The following SLC24A2 variants were observed in gnomAD, a reference collection of about 807,000 sequenced individuals.
SLC24A2 encodes sodium/potassium/calcium exchanger 2.
A neutral mutation model predicts 62.0 loss-of-function variants in SLC24A2; 36 were observed. That is an observed-to-expected ratio of 0.58 (90% CI 0.44 to 0.77). The LOEUF (loss-of-function observed/expected upper bound fraction) is 0.77. Among genes scored for constraint, SLC24A2 ranks in the 30% least tolerant of loss-of-function variants. The pLI, the probability that SLC24A2 is intolerant of heterozygous loss-of-function variation, is 0.00. For synonymous variants in SLC24A2, 358 were observed against 294.0 expected (o/e 1.22, Z -2.23); for missense variants, 846 against 817.9 (o/e 1.03, Z -0.42).
chr9:19,857,085 C>T, the SLC24A2 span, among the ~76,000 whole-genome samples: 1 of 152,332 alleles, frequency 6.6e-6, no homozygotes, highest in African/African-American at 2.4e-5. Flanking sequence ...ATCAATCTCA[C>T]TGGGCTAATG....
At chr9:20,253,116 G>A in the SLC24A2 span, among the ~76,000 whole-genome samples, 27 of 152,192 alleles carry the variant, frequency 1.8e-4, no homozygotes, top group African/African-American at 5.8e-4. Context: ...AGGCTAGAGG[G>A]AAGTCTTGAC....
the SLC24A2 span, among the ~76,000 whole-genome samples, chr9:20,002,669 A>G: frequency 6.6e-6 from 1 of 152,104 alleles, no homozygotes; most frequent in African/African-American, 2.4e-5. Flanking sequence ...AATGATGGAA[A>G]CTCCAGACTG....
At chr9:19,762,946 C>T (rs1033773360) in intron 2 of SLC24A2, among the ~76,000 whole-genome samples, 4 of 152,036 alleles carry the variant, frequency 2.6e-5, no homozygotes, top group Non-Finnish European at 4.4e-5. Context: ...TCTTCCTATC[C>T]ATGAGCACGG....
the SLC24A2 span, among the ~76,000 whole-genome samples, chr9:20,141,618 A>G: frequency 6.6e-6 from 1 of 151,500 alleles, no homozygotes; most frequent in Admixed American, 6.6e-5. Flanking sequence ...CTCATGATCT[A>G]GTATATCACC....
the SLC24A2 span, among the ~76,000 whole-genome samples, chr9:20,084,582 C>T: frequency 6.9e-6 from 1 of 145,310 alleles, no homozygotes; most frequent in Non-Finnish European, 1.5e-5. Flanking sequence ...CCTCAGTGAA[C>T]TCTCCAGAGT....
intron 2 of SLC24A2, among the ~76,000 whole-genome samples, chr9:19,669,328 C>T (rs975502355): frequency 1.3e-5 from 2 of 152,036 alleles, no homozygotes; most frequent in Admixed American, 1.3e-4. Flanking sequence ...GGGAGAAGTG[C>T]TGGCATTCAC....
the SLC24A2 span, among the ~76,000 whole-genome samples, chr9:20,281,838 T>C: frequency 6.6e-6 from 1 of 152,234 alleles, no homozygotes; most frequent in Non-Finnish European, 1.5e-5. Context: ...AAAATTGATA[T>C]CTCTACAGTA....
intron 8 of SLC24A2, among the ~76,000 whole-genome samples, chr9:19,546,802 G>C (rs900679491): frequency 1.3e-5 from 2 of 152,166 alleles, no homozygotes; most frequent in African/African-American, 4.8e-5. Flanking sequence ...ACTCAGTTTT[G>C]TGCTTGAAAC....
In SLC24A2 at chr9:19,513,488, C is replaced by T. The variant is rs1043807006; in HGVS notation, c.*2665G>A. ...TCAGTGCACATGACTGATGTGGGAA[C>T]GGGGCTTGGAAATTTTGTCTTCTCA... On this transcript the variant is annotated 3_prime_UTR_variant, in exon 11 of 11. Coordinates refer to ENST00000341998, the MANE Select transcript of SLC24A2 (RefSeq NM_020344.4). 3.3e-5 allele frequency: 5 copies of T among 151,934 alleles called. No homozygotes were observed. Among genetic ancestry groups the T allele is most frequent in the African/African-American group, 7.3e-5 (3 of 41,364 alleles). 9.4% of individuals were successfully genotyped at this position (151,934 alleles called of 1,614,324 possible).
intron 2 of SLC24A2, among the ~76,000 whole-genome samples, chr9:19,635,577 G>T (rs1393825183): frequency 6.6e-6 from 1 of 152,110 alleles, no homozygotes. Context: ...AATGACACTT[G>T]CCAATGAAAG....
At chr9:19,948,374 A>T in the SLC24A2 span, among the ~76,000 whole-genome samples, 9 of 151,966 alleles carry the variant, frequency 5.9e-5, no homozygotes, top group Non-Finnish European at 1.2e-4. Flanking sequence ...AATTATCTTC[A>T]CAATATTTTC....
At chr9:20,238,128 G>A in the SLC24A2 span, among the ~76,000 whole-genome samples, 6 of 152,284 alleles carry the variant, frequency 3.9e-5, no homozygotes, top group African/African-American at 1.4e-4. Context: ...GCCCAGGTCT[G>A]TTCCTGCCTA....
At chr9:20,263,387 G>A in the SLC24A2 span, among the ~76,000 whole-genome samples, 1 of 152,078 alleles carries the variant, frequency 6.6e-6, no homozygotes, top group Non-Finnish European at 1.5e-5. Flanking sequence ...GAGTAACTGG[G>A]ACCACAGGTG....
the SLC24A2 span, among the ~76,000 whole-genome samples, chr9:19,906,880 C>A: frequency 5.9e-5 from 9 of 152,088 alleles, no homozygotes; most frequent in African/African-American, 2.2e-4. Context: ...GATTCACAGC[C>A]GAATTCTACC....
chr9:19,976,660 C>T, the SLC24A2 span, among the ~76,000 whole-genome samples: 124 of 152,222 alleles, frequency 8.1e-4, no homozygotes, highest in South Asian at 2.5e-3. Flanking sequence ...AATGACTTAA[C>T]GTATAGAGAA....
chr9:19,648,513 A>G (rs1056183544), intron 2 of SLC24A2, among the ~76,000 whole-genome samples: 16 of 152,232 alleles, frequency 1.1e-4, no homozygotes, highest in Admixed American at 9.8e-4. Context: ...CACCAACATA[A>G]TAGAAAGCTA....
the SLC24A2 span, among the ~76,000 whole-genome samples, chr9:20,115,096 G>C: frequency 9.2e-5 from 14 of 152,098 alleles, no homozygotes. Context: ...TGGGCCCAAA[G>C]AACATACAAT....
chr9:20,130,850 T>C, the SLC24A2 span, among the ~76,000 whole-genome samples: 2 of 151,902 alleles, frequency 1.3e-5, no homozygotes, highest in Admixed American at 1.3e-4. Context: ...GTGGAAAAAA[T>C]CATCCAAGAC....
chr9:19,880,794 T>C, the SLC24A2 span, among the ~76,000 whole-genome samples: 3 of 152,176 alleles, frequency 2.0e-5, no homozygotes, highest in Admixed American at 2.0e-4. Context: ...TTGAAATTCA[T>C]CTTAACGATC....
Sources: gnomAD v4.1 joint callset for allele counts (sites outside exome capture counted in the v4.1 genomes callset) on GRCh38, gnomAD v4.1.1 for gene constraint, MANE v1.5 for transcripts, NCBI Gene and HGNC (gene_info 2026-07-23, HGNC 2026-07-21) for gene names.